The following NKAIN2 variants were observed in gnomAD, a reference collection of about 807,000 sequenced individuals.
NKAIN2 encodes the protein sodium/potassium transporting ATPase interacting 2.
A neutral mutation model predicts 32.6 loss-of-function variants in NKAIN2; 14 were observed. The ratio of observed to expected loss-of-function variants is 0.43; its 90% CI spans 0.28 to 0.67. NKAIN2 has a LOEUF of 0.67. NKAIN2 is among the 30% of genes least tolerant of loss of function. The pLI is 0.17. For missense variants in NKAIN2, 198 were observed against 258.3 expected (o/e 0.77, Z 1.60); for synonymous variants, 80 against 87.2 (o/e 0.92, Z 0.46).
At chr6:124,317,410 G>T (rs1343178046) in intron 2 of NKAIN2, among the ~76,000 whole-genome samples, 4 of 151,912 alleles carry the variant, frequency 2.6e-5, no homozygotes, top group Non-Finnish European at 4.4e-5. Context: ...CATTTTGGAG[G>T]GACTAGTTTA....
At chr6:124,313,932 C>T (rs1053467173) in intron 2 of NKAIN2, among the ~76,000 whole-genome samples, 23 of 152,094 alleles carry the variant, frequency 1.5e-4, no homozygotes, top group African/African-American at 4.8e-4. Flanking sequence ...AATAAGTTGC[C>T]GGGCTCTCTT....
At chr6:123,912,907 T>A (rs1582766930) in intron 1 of NKAIN2, among the ~76,000 whole-genome samples, 1 of 71,790 alleles carries the variant, frequency 1.4e-5, no homozygotes, top group African/African-American at 3.3e-5. Context: ...CCATTAAATA[T>A]TGTGATTTAG....
At chr6:124,440,748 G>T (rs897651219) in intron 3 of NKAIN2, among the ~76,000 whole-genome samples, 1 of 151,974 alleles carries the variant, frequency 6.6e-6, no homozygotes, top group Non-Finnish European at 1.5e-5. Flanking sequence ...CTAAGTTACT[G>T]GGCAAAACCT....
At chr6:124,210,813 GAACTT>G in intron 1 of NKAIN2, among the ~76,000 whole-genome samples, 1 of 151,434 alleles carries the variant, frequency 6.6e-6, no homozygotes, top group Middle Eastern at 3.4e-3. Flanking sequence ...CAACTTTACT[GAACTT>G]ATCAGTTCAA....
intron 1 of NKAIN2, among the ~76,000 whole-genome samples, chr6:124,126,364 A>G (rs886206763): frequency 6.6e-6 from 1 of 152,112 alleles, no homozygotes; most frequent in Non-Finnish European, 1.5e-5. Context: ...TTGACTATTC[A>G]AATCTCTGCC....
At chr6:124,716,995 T>C (rs977233697) in intron 4 of NKAIN2, among the ~76,000 whole-genome samples, 3 of 152,212 alleles carry the variant, frequency 2.0e-5, no homozygotes, top group Non-Finnish European at 4.4e-5. Context: ...AATGAATAAA[T>C]GCCATCACAT....
chr6:124,708,552 C>T (rs1775236101), intron 4 of NKAIN2, among the ~76,000 whole-genome samples: 1 of 151,966 alleles, frequency 6.6e-6, no homozygotes, highest in South Asian at 2.1e-4. Flanking sequence ...TGAAGAGGTC[C>T]TTCACATCCC....
At chr6:123,871,098 T>G (rs773013911) in intron 1 of NKAIN2, among the ~76,000 whole-genome samples, 3 of 152,218 alleles carry the variant, frequency 2.0e-5, no homozygotes, top group Non-Finnish European at 4.4e-5. Flanking sequence ...TTGGCTTCTT[T>G]CTGCCATCAT....
intron 1 of NKAIN2, among the ~76,000 whole-genome samples, chr6:123,818,428 T>C (rs1436816546): frequency 6.6e-6 from 1 of 150,744 alleles, no homozygotes; most frequent in African/African-American, 2.4e-5. Flanking sequence ...GAACTTCTGT[T>C]TGAAATAATA....
chr6:123,912,507 A>T (rs1775265400), intron 1 of NKAIN2, among the ~76,000 whole-genome samples: 1 of 152,186 alleles, frequency 6.6e-6, no homozygotes, highest in Non-Finnish European at 1.5e-5. Flanking sequence ...TAAGATACTG[A>T]GTTCAAATTT....
chr6:124,237,990 A>C (rs371013561), intron 1 of NKAIN2, among the ~76,000 whole-genome samples: 2 of 152,148 alleles, frequency 1.3e-5, no homozygotes, highest in Admixed American at 6.6e-5. Flanking sequence ...GTATAGCACA[A>C]GAGAACTAAC....
chr6:124,121,624 G>C (rs1046285935), intron 1 of NKAIN2, among the ~76,000 whole-genome samples: 1 of 152,084 alleles, frequency 6.6e-6, no homozygotes, highest in African/African-American at 2.4e-5. Flanking sequence ...GATTAAGTCT[G>C]TCTGGATTGC....
chr6:124,522,208 GTTATA>G (rs1779142799), intron 3 of NKAIN2, among the ~76,000 whole-genome samples: 1 of 152,174 alleles, frequency 6.6e-6, no homozygotes, highest in African/African-American at 2.4e-5. Flanking sequence ...TATCTGTAAA[GTTATA>G]TTCTATTCTC....
chr6:123,990,903 C>T (rs536849187), intron 1 of NKAIN2, among the ~76,000 whole-genome samples: 1 of 152,302 alleles, frequency 6.6e-6, no homozygotes, highest in East Asian at 1.9e-4. Context: ...GCTCCTATTA[C>T]ATCATTAAGA....
intron 4 of NKAIN2, among the ~76,000 whole-genome samples, chr6:124,771,659 G>A (rs890970971): frequency 1.3e-5 from 2 of 152,098 alleles, no homozygotes; most frequent in Admixed American, 6.6e-5. Flanking sequence ...TAAATAAATG[G>A]CAGAATTATG....
At chr6:124,006,483 A>G (rs559521613) in intron 1 of NKAIN2, among the ~76,000 whole-genome samples, 4 of 152,332 alleles carry the variant, frequency 2.6e-5, no homozygotes, top group African/African-American at 7.2e-5. Context: ...AATCTAGCTT[A>G]TGCGGTGCAT....
intron 1 of NKAIN2, among the ~76,000 whole-genome samples, chr6:123,916,821 C>T (rs75959562): frequency 6.5e-4 from 22 of 33,658 alleles, no homozygotes; most frequent in Admixed American, 2.3e-3. Flanking sequence ...ATGTATCTAT[C>T]TATCTATTTA....
intron 1 of NKAIN2, among the ~76,000 whole-genome samples, chr6:124,080,985 T>G (rs368084877): frequency 2.0e-5 from 3 of 152,236 alleles, no homozygotes; most frequent in African/African-American, 7.2e-5. Context: ...AAAATTGATT[T>G]CAGGGCAGTT....
chr6:123,955,872 C>G (rs931918902), intron 1 of NKAIN2, among the ~76,000 whole-genome samples: 3 of 152,110 alleles, frequency 2.0e-5, no homozygotes, highest in African/African-American at 4.8e-5. Flanking sequence ...CAGCAGTCCT[C>G]CTGCCTTGGC....
Sources: allele counts gnomAD v4.1 joint callset (sites outside exome capture counted in the v4.1 genomes callset), GRCh38; gene constraint gnomAD v4.1.1; transcripts MANE v1.5; gene names NCBI Gene and HGNC (gene_info 2026-07-23, HGNC 2026-07-21).